NHSL2: variants seen among roughly 807,000 people sequenced by gnomAD.
NHSL2 encodes NHS-like protein 2.
A neutral mutation model predicts 53.4 loss-of-function variants in NHSL2; 27 were observed. The ratio of observed to expected loss-of-function variants is 0.51; its 90% CI spans 0.37 to 0.70. The LOEUF (loss-of-function observed/expected upper bound fraction) is 0.70. NHSL2 is among the 30% of genes least tolerant of loss of function. The pLI is 0.00. For missense variants in NHSL2, 892 were observed against 980.1 expected, an observed-to-expected ratio of 0.91 and a Z score of 1.20; for synonymous variants, 408 against 404.1, an observed-to-expected ratio of 1.01 and a Z score of -0.12.
intron 1 of NHSL2, chrX:72,079,797 C>T (rs190554554): frequency 4.8e-4 from 54 of 112,891 alleles, no homozygotes; most frequent in African/African-American, 1.7e-3. Context: ...GCAGGACAGC[C>T]GCTGAGCGGG....
intron 1 of NHSL2, among the ~76,000 whole-genome samples, chrX:72,107,971 T>C (rs993138215): frequency 8.9e-6 from 1 of 111,930 alleles, no homozygotes; most frequent in South Asian, 3.7e-4. Context: ...ATGACTCTCT[T>C]GGCCCCGTGG....
intron 1 of NHSL2, among the ~76,000 whole-genome samples, chrX:72,099,555 G>A (rs1006264818): frequency 5.5e-5 from 6 of 109,339 alleles, no homozygotes; most frequent in South Asian, 7.9e-4. Context: ...ATTTTTAGTA[G>A]AGATGGGATT....
intron 6 of NHSL2, chrX:72,141,012 A>T (rs1167359218): frequency 9.3e-6 from 3 of 323,085 alleles, no homozygotes; most frequent in African/African-American, 2.7e-5. Flanking sequence ...CTCCCCTCTA[A>T]ATCTCTAGTG....
At chrX:72,096,636 T>C (rs1029601548) in intron 1 of NHSL2, among the ~76,000 whole-genome samples, 4 of 112,472 alleles carry the variant, frequency 3.6e-5, no homozygotes, top group African/African-American at 1.3e-4. Context: ...TAATTATTTG[T>C]ACATATACAT....
At chrX:71,930,047 G>A (rs1341319976) in intron 1 of NHSL2, among the ~76,000 whole-genome samples, 1 of 111,954 alleles carries the variant, frequency 8.9e-6, no homozygotes, top group Admixed American at 9.4e-5. Flanking sequence ...GAGCCACCAC[G>A]CCCAGACTCT....
chrX:72,137,740 G>A (rs1022609700), intron 5 of NHSL2, among the ~76,000 whole-genome samples: 14 of 111,787 alleles, frequency 1.3e-4, no homozygotes, highest in African/African-American at 4.6e-4. Context: ...ATGAAGATTA[G>A]CGTTATTGTA....
At chrX:72,020,062 G>A (rs1286462178) in intron 1 of NHSL2, among the ~76,000 whole-genome samples, 1 of 112,197 alleles carries the variant, frequency 8.9e-6, no homozygotes, top group African/African-American at 3.2e-5. Context: ...GCACTTACTT[G>A]TATTCTGCCA....
intron 1 of NHSL2, among the ~76,000 whole-genome samples, chrX:72,066,872 G>A (rs1202685733): frequency 6.2e-5 from 7 of 112,284 alleles, no homozygotes; most frequent in Admixed American, 9.4e-5. Flanking sequence ...GCTCACAGGT[G>A]TAATCCCAGT....
At chrX:71,980,563 GTGTGGGGTGTGTGTGT>G (rs1569468948) in intron 1 of NHSL2, among the ~76,000 whole-genome samples, 365 of 5,972 alleles carry the variant, frequency 0.061, 3 homozygotes, top group African/African-American at 0.077. Flanking sequence ...TGTGTGGGGT[GTGTGGGGTGTGTGTGT>G]GTGTGTGTGT....
intron 1 of NHSL2, among the ~76,000 whole-genome samples, chrX:72,035,397 T>C (rs1290432009): frequency 8.9e-6 from 1 of 111,934 alleles, no homozygotes; most frequent in Non-Finnish European, 1.9e-5. Context: ...ATTGTGTTGT[T>C]GAATTCTTCT....
intron 1 of NHSL2, among the ~76,000 whole-genome samples, chrX:71,917,018 A>G (rs774694038): frequency 8.9e-6 from 1 of 111,964 alleles, no homozygotes; most frequent in East Asian, 2.8e-4. Flanking sequence ...GGAACTCCAC[A>G]ATTTCACTCA....
chrX:71,972,578 C>A (rs1230169428), intron 1 of NHSL2, among the ~76,000 whole-genome samples: 1 of 112,153 alleles, frequency 8.9e-6, no homozygotes, highest in East Asian at 2.8e-4. Context: ...ATTTCAGCAA[C>A]TGTGATACAT....
chrX:71,991,818 TTCTCTCTCTCTCTCTCTC>T (rs59851052), intron 1 of NHSL2, among the ~76,000 whole-genome samples: 1 of 99,857 alleles, frequency 1.0e-5, no homozygotes, highest in Non-Finnish European at 2.0e-5. Flanking sequence ...GTCTTTCTCT[TTCTCTCTCTCTCTCTCTC>T]TCTCTCTCTC....
In NHSL2 at chrX:72,143,421, T is replaced by A; in HGVS notation, c.3525T>A (p.Asp1175Glu). 3 of 1,167,261 alleles carry A rather than the reference T, an allele frequency of 2.6e-6. No individual in the cohort carries two copies. The highest frequency in any genetic ancestry group is 2.3e-6 in the Non-Finnish European group (2 of 872,822). Residue 1175 changes from aspartate to glutamate, a missense_variant, in exon 8 of 8, where the codon GAT (aspartate) becomes GAA (glutamate). Physicochemically the swap from Asp to Glu is conservative, Grantham distance 45. Coordinates refer to ENST00000633930, the MANE Select transcript of NHSL2 (RefSeq NM_001013627.3). ...ACCTAGATGCTGGCAGAAATGACGATTTCAAGGCCTTGCTACAGAAGAAGG... is the reference window on the plus strand; with the variant it reads ...ACCTAGATGCTGGCAGAAATGACGAATTCAAGGCCTTGCTACAGAAGAAGG... Reference protein sequence around the residue: ...SANLDAGRNDDFKALLQKKGS... With the variant: ...SANLDAGRNDEFKALLQKKGS...
At chrX:71,930,064 CCTT>C (rs1397566313) in intron 1 of NHSL2, among the ~76,000 whole-genome samples, 2 of 112,084 alleles carry the variant, frequency 1.8e-5, no homozygotes, top group African/African-American at 6.5e-5. Context: ...CTCTGGCTGT[CCTT>C]CTTCCAGGAA....
Position 72,151,414 on chromosome X carries a change from T to C in NHSL2, c.*7840T>C, listed in dbSNP as rs973699694. The stretch of plus-strand genomic sequence containing the variant: ...TTCTGAGACAAGCATTTCTGTGAGC[T>C]GCCCCATGTGATAACTGAGTTGTGC... On this transcript the variant is annotated 3_prime_UTR_variant, in exon 8 of 8. Coordinates refer to ENST00000633930, the MANE Select transcript of NHSL2 (RefSeq NM_001013627.3). 8.9e-6 allele frequency: 1 copy of C among 112,040 alleles called. No homozygotes were observed. The highest frequency in any genetic ancestry group is 3.2e-5 in the African/African-American group (1 of 30,812). The allele number at this position is 112,040 out of a possible 1,213,427, so 9.2% of individuals were successfully genotyped here.
chrX:72,065,741 T>G (rs2042425203), intron 1 of NHSL2, among the ~76,000 whole-genome samples: 1 of 112,230 alleles, frequency 8.9e-6, no homozygotes, highest in African/African-American at 3.2e-5. Context: ...GTTAAGTAAG[T>G]TGTACAAGGT....
intron 1 of NHSL2, among the ~76,000 whole-genome samples, chrX:72,085,465 C>A (rs2041830864): frequency 9.0e-6 from 1 of 111,535 alleles, no homozygotes; most frequent in Non-Finnish European, 1.9e-5. Context: ...CCTTCTTAAC[C>A]ACCTGTGAAA....
chrX:71,982,492 C>T (rs1045945444), intron 1 of NHSL2, among the ~76,000 whole-genome samples: 1 of 111,822 alleles, frequency 8.9e-6, no homozygotes, highest in African/African-American at 3.3e-5. Context: ...GGTTGGGTAG[C>T]CCAAGAATAG....
Sources: allele counts gnomAD v4.1 joint callset (sites outside exome capture counted in the v4.1 genomes callset), GRCh38; gene constraint gnomAD v4.1.1; transcripts MANE v1.5; gene names NCBI Gene and HGNC (gene_info 2026-07-23, HGNC 2026-07-21).